Variants in SLC13A1 observed in about 807,000 individuals in gnomAD.
SLC13A1 encodes the protein solute carrier family 13 member 1.
In SLC13A1, 65 loss-of-function variants were observed where a neutral mutation model predicts 70.0. The ratio of observed to expected loss-of-function variants is 0.93; its 90% confidence interval spans 0.76 to 1.14. The LOEUF is 1.14. Ranked by LOEUF, SLC13A1 falls within the 50% of genes most tolerant of loss-of-function variation. SLC13A1 has a pLI of 0.00. For synonymous variants in SLC13A1, 275 were observed against 250.5 expected, an observed-to-expected ratio of 1.10 and a Z score of -0.92; for missense variants, 726 against 717.8, an observed-to-expected ratio of 1.01 and a Z score of -0.13.
At chr7:123,165,584 T>C (rs923547587) in intron 6 of SLC13A1, among the ~76,000 whole-genome samples, 6 of 152,140 alleles carry the variant, frequency 3.9e-5, no homozygotes, top group Non-Finnish European at 8.8e-5. Flanking sequence ...CCACTGACTT[T>C]CAGGTTGTCC....
intron 10 of SLC13A1, among the ~76,000 whole-genome samples, chr7:123,126,967 G>A (rs1793583241): frequency 1.3e-5 from 2 of 151,954 alleles, no homozygotes; most frequent in Admixed American, 1.3e-4. Context: ...AATTCTTAAT[G>A]CCTGAAACTC....
chr7:123,114,613 A>G lies in SLC13A1; in HGVS notation c.*905T>C, dbSNP rs1335110447. 1 of 151,854 alleles carries G rather than the reference A, an allele frequency of 6.6e-6. No homozygotes were observed. The highest frequency in any genetic ancestry group is 2.4e-5 in the African/African-American group (1 of 41,338). 9.4% of individuals were successfully genotyped at this position (151,854 alleles called of 1,614,324 possible). A position where few individuals can be genotyped will look rare whatever the true frequency, so the allele number is the denominator to read the frequency against. On this transcript the variant is annotated 3_prime_UTR_variant, in exon 15 of 15. Transcript: ENST00000194130. ...AGTGATAATTCATTTAGATTTCTAC[A>G]TCTCTTTATTTTTAACATATGACAT...
intron 7 of SLC13A1, among the ~76,000 whole-genome samples, chr7:123,136,437 C>A (rs1347450209): frequency 6.6e-6 from 1 of 152,166 alleles, no homozygotes; most frequent in Admixed American, 6.5e-5. Flanking sequence ...ATGGCATACT[C>A]TAAGCATTTT....
At chr7:123,186,669 G>A (rs550234354) in intron 1 of SLC13A1, 44 of 452,080 alleles carry the variant, frequency 9.7e-5, no homozygotes, top group African/African-American at 7.8e-4. Context: ...AAGAGTATGA[G>A]TGAATCCTTC....
chr7:123,125,543 A>G, intron 11 of SLC13A1, 26 bp downstream of exon 11: 1 of 1,508,768 alleles, frequency 6.6e-7, no homozygotes, highest in Non-Finnish European at 9.1e-7. Context: ...TGTTAAATTT[A>G]TGCAGAATTA....
chr7:123,179,751 T>A lies in SLC13A1; in HGVS notation c.228+1222A>T, dbSNP rs1284141901. Among the ~76,000 whole-genome samples, 13 of 152,164 alleles carry A rather than the reference T, an allele frequency of 8.5e-5. 1 individual carries two copies. The highest frequency in any genetic ancestry group is 8.5e-4 in the Admixed American group (13 of 15,258). On this transcript the variant is annotated intron_variant, in intron 2 of 14. Coordinates refer to ENST00000194130, the MANE Select transcript of SLC13A1 (RefSeq NM_022444.4). ...ATCTCACTTCTACTTCAGCCTCTTT[T>A]TAACAGTTAATTTAGTCAGTTTTAT... is the stretch of plus-strand genomic sequence containing the variant.
At position 123,124,829 on chromosome 7, in the gene SLC13A1, C is replaced by T. The variant is rs114593363; in HGVS notation, c.1240+740G>A. On this transcript the variant is annotated intron_variant, in intron 11 of 14. Coordinates refer to ENST00000194130, the MANE Select transcript of SLC13A1 (RefSeq NM_022444.4). ...TATTACTATCATTATTTTTAGAGAC[C>T]GAGTCTCCCTCTGTTGCCCAGGGCA... Among the ~76,000 whole-genome samples, 1,435 of 152,054 alleles carry T rather than the reference C, an allele frequency of 9.4e-3. 18 individuals carry two copies. The highest frequency in any genetic ancestry group is 0.033 in the African/African-American group (1,358 of 41,464).
chr7:123,140,172 C>G (rs1335749540), intron 7 of SLC13A1, among the ~76,000 whole-genome samples: 1 of 151,940 alleles, frequency 6.6e-6, no homozygotes, highest in African/African-American at 2.4e-5. Context: ...GCTTTTTCAG[C>G]ATAAATTAAA....
chr7:123,156,644 G>A (rs1160717404), intron 6 of SLC13A1, among the ~76,000 whole-genome samples: 1 of 152,104 alleles, frequency 6.6e-6, no homozygotes, highest in African/African-American at 2.4e-5. Context: ...GGTTTAAAAT[G>A]TCTATAAGAA....
At chr7:123,144,482 G>T (rs1392984976) in intron 7 of SLC13A1, among the ~76,000 whole-genome samples, 1 of 152,078 alleles carries the variant, frequency 6.6e-6, no homozygotes, top group Non-Finnish European at 1.5e-5. Flanking sequence ...GAGTCTTAGG[G>T]GGCTAAGTGG....
chr7:123,134,630 G>T (rs1793890050), intron 7 of SLC13A1, 101 bp from the exon 8 acceptor site: 1 of 1,145,896 alleles, frequency 8.7e-7, no homozygotes. Flanking sequence ...CTGTGTTTCT[G>T]TCCAAGAAGG....
chr7:123,120,163 C>A (rs1234928167), intron 12 of SLC13A1, among the ~76,000 whole-genome samples: 1 of 151,966 alleles, frequency 6.6e-6, no homozygotes, highest in African/African-American at 2.4e-5. Context: ...TCTGGGACCC[C>A]TTTTCACTAT....
In SLC13A1 at chr7:123,168,427, A is replaced by G. The variant is rs774844992; in HGVS notation, c.612-5T>C. ...TTCCCTGTATCATTATTGTATCTGAAAAATACATTGATCCAGTTATAATTT... is the reference window on the plus strand; with the variant it reads ...TTCCCTGTATCATTATTGTATCTGAGAAATACATTGATCCAGTTATAATTT... On this transcript the variant is annotated splice_region_variant and splice_polypyrimidine_tract_variant and intron_variant, in intron 5 of 14. Coordinates refer to ENST00000194130, the MANE Select transcript of SLC13A1 (RefSeq NM_022444.4). The G allele has an allele frequency of 1.9e-6, 3 of 1,593,220 alleles. No individual in the cohort carries two copies. The East Asian group carries it at 6.7e-5, about 36-fold the overall frequency.
At chr7:123,142,210 G>A (rs765141024) in intron 7 of SLC13A1, among the ~76,000 whole-genome samples, 23 of 152,132 alleles carry the variant, frequency 1.5e-4, no homozygotes, top group Non-Finnish European at 2.4e-4. Context: ...AGCTCACCCC[G>A]TGTCCACTGC....
At position 123,117,621 on chromosome 7, in the gene SLC13A1, A is replaced by G; in HGVS notation, c.1513-13T>C. 1 of 1,550,406 alleles carries G rather than the reference A, an allele frequency of 6.4e-7. No homozygotes were observed. The highest frequency in any genetic ancestry group is 8.7e-7 in the Non-Finnish European group (1 of 1,145,574). Reference sequence around the variant, plus strand: ...GAATGGCTTCGGCCTGTTGTAAGAGATAAAAAAGAGTCTAAGTAAAATTTT... The same window carrying G: ...GAATGGCTTCGGCCTGTTGTAAGAGGTAAAAAAGAGTCTAAGTAAAATTTT... On this transcript the variant is annotated splice_polypyrimidine_tract_variant and intron_variant, in intron 13 of 14. Transcript: ENST00000194130.
At chr7:123,178,701 C>A (rs1795540493) in intron 2 of SLC13A1, among the ~76,000 whole-genome samples, 1 of 151,858 alleles carries the variant, frequency 6.6e-6, no homozygotes, top group Non-Finnish European at 1.5e-5. Flanking sequence ...GGTAAGTTAC[C>A]CTGTCGGCAA....
intron 2 of SLC13A1, among the ~76,000 whole-genome samples, chr7:123,180,601 T>A (rs976756177): frequency 6.6e-6 from 1 of 152,182 alleles, no homozygotes; most frequent in Non-Finnish European, 1.5e-5. Context: ...GGGAAACTTT[T>A]TCTTCATTAA....
At chr7:123,145,343 A>G (rs1794314263) in intron 7 of SLC13A1, among the ~76,000 whole-genome samples, 1 of 152,192 alleles carries the variant, frequency 6.6e-6, no homozygotes, top group African/African-American at 2.4e-5. Context: ...CTGCCGTGTC[A>G]AAATTTCTTC....
At chr7:123,196,799 C>A (rs955696302) in intron 1 of SLC13A1, among the ~76,000 whole-genome samples, 1 of 151,982 alleles carries the variant, frequency 6.6e-6, no homozygotes, top group Non-Finnish European at 1.5e-5. Flanking sequence ...GTGTTGTTGA[C>A]AAATGATGAA....
Sources: allele counts gnomAD v4.1 joint callset (sites outside exome capture counted in the v4.1 genomes callset), GRCh38; gene constraint gnomAD v4.1.1; transcripts MANE v1.5; gene names NCBI Gene and HGNC (gene_info 2026-07-23, HGNC 2026-07-21).